Variants in SHC4 observed in about 807,000 individuals in gnomAD.
SHC4 encodes the protein SHC-transforming protein 4.
A neutral mutation model predicts 69.4 loss-of-function variants in SHC4; 41 were observed. The observed-to-expected ratio is 0.59, with a 90% CI of 0.46 to 0.77. SHC4 has a LOEUF of 0.77. SHC4 is among the 30% of genes least tolerant of loss of function. The pLI is 0.00. For missense variants in SHC4, 777 were observed against 783.8 expected (o/e 0.99, Z 0.10); for synonymous variants, 318 against 299.3 (o/e 1.06, Z -0.64).
chr15:48,919,319 G>A (rs1344760406), intron 2 of SHC4, among the ~76,000 whole-genome samples: 4 of 9,360 alleles, frequency 4.3e-4, no homozygotes, highest in African/African-American at 5.9e-4. Context: ...TTTTTTTGTA[G>A]AGATGGGGTC....
rs372891105 is a variant in SHC4 at position 48,962,506 on chromosome 15, C to T, written c.510G>A (p.Glu170=). ...PDSCPLPGPG[E]PTLRSRQDRH... ...TGTCCTGCCTGCTCCTAAGTGTTGGCTCCCCAGGGCCAGGAAGCGGGCACG... is the reference window on the plus strand; with the variant it reads ...TGTCCTGCCTGCTCCTAAGTGTTGGTTCCCCAGGGCCAGGAAGCGGGCACG... The change falls in exon 1 of 12, where the codon GAG becomes GAA. Residue 170 remains glutamate, a synonymous_variant. Transcript: ENST00000332408. The T allele has an allele frequency of 2.2e-5, 35 of 1,569,784 alleles. No individual in the cohort carries two copies. The highest frequency in any genetic ancestry group is 2.5e-5 in the Non-Finnish European group (29 of 1,159,072).
Position 48,890,785 on chromosome 15 carries a change from G to C in SHC4, c.683C>G (p.Ala228Gly). ...TREAISRLCE[A>G]VPGANGAIKK... is the part of the protein sequence containing the mutation. The stretch of plus-strand genomic sequence containing the variant: ...AATGGCTCCATTTGCCCCGGGGACA[G>C]CTTCACACAGGCGACTTATTGCTTC... Residue 228 changes from alanine to glycine, a missense_variant, in exon 3 of 12, where the codon GCT (alanine) becomes GGT (glycine). Coordinates refer to ENST00000332408, the MANE Select transcript of SHC4 (RefSeq NM_203349.4). 1 of 1,614,206 alleles carries C rather than the reference G, an allele frequency of 6.2e-7. No individual in the cohort carries two copies. The highest frequency in any genetic ancestry group is 8.5e-7 in the Non-Finnish European group (1 of 1,180,030).
At chr15:48,880,072 G>C (rs1472278102) in intron 4 of SHC4, 1 of 167,072 alleles carries the variant, frequency 6.0e-6, no homozygotes, top group Non-Finnish European at 1.5e-5. Context: ...AGAAGGCTAG[G>C]TTCAGCAAAA....
chr15:48,915,524 C>A (rs1020927451), intron 2 of SHC4, among the ~76,000 whole-genome samples: 9 of 152,236 alleles, frequency 5.9e-5, no homozygotes, highest in African/African-American at 2.2e-4. Context: ...AGACTTCCAG[C>A]AAAGGCTTCC....
At chr15:48,864,038 A>G (rs1441091583) in intron 6 of SHC4, among the ~76,000 whole-genome samples, 1 of 152,200 alleles carries the variant, frequency 6.6e-6, no homozygotes, top group Non-Finnish European at 1.5e-5. Flanking sequence ...AATAAATGGT[A>G]GCCATTTTTC....
intron 3 of SHC4, among the ~76,000 whole-genome samples, chr15:48,886,953 A>C (rs1001243610): frequency 3.4e-4 from 52 of 152,320 alleles, no homozygotes; most frequent in African/African-American, 1.2e-3. Context: ...CACATTTTAC[A>C]AACGAGAAAA....
chr15:48,826,575 A>G (rs1198877657), intron 11 of SHC4, among the ~76,000 whole-genome samples: 1 of 152,124 alleles, frequency 6.6e-6, no homozygotes, highest in Non-Finnish European at 1.5e-5. Context: ...CCTCATTACC[A>G]TTTTAAAGCA....
chr15:48,940,904 C>T (rs1036148717), intron 1 of SHC4, among the ~76,000 whole-genome samples: 3 of 152,184 alleles, frequency 2.0e-5, no homozygotes, highest in Non-Finnish European at 4.4e-5. Context: ...GTCAACAATA[C>T]GGCTTTGCGG....
chr15:48,842,543 G>T (rs1278995531), intron 10 of SHC4, among the ~76,000 whole-genome samples: 2 of 152,176 alleles, frequency 1.3e-5, no homozygotes, highest in East Asian at 3.8e-4. Context: ...AAGGATGGAG[G>T]TAAAGAAAGA....
intron 1 of SHC4, among the ~76,000 whole-genome samples, chr15:48,934,257 A>G (rs1901026343): frequency 6.6e-6 from 1 of 152,164 alleles, no homozygotes; most frequent in African/African-American, 2.4e-5. Context: ...CAAATAACCC[A>G]ATTTAAAAAT....
chr15:48,929,014 T>A (rs1190458422), intron 1 of SHC4, among the ~76,000 whole-genome samples: 1 of 152,134 alleles, frequency 6.6e-6, no homozygotes, highest in Non-Finnish European at 1.5e-5. Context: ...TGATTGACAA[T>A]GAGGACAAGT....
chr15:48,859,342 T>A (rs955703426), intron 6 of SHC4, among the ~76,000 whole-genome samples: 11 of 145,214 alleles, frequency 7.6e-5, no homozygotes, highest in Admixed American at 5.0e-4. Context: ...TGTGTGTGTG[T>A]GATGGTGGTG....
rs1373505801 is a variant in SHC4, at chr15:48,824,815, G to A, written c.*1156C>T. 1.3e-5 allele frequency: 2 copies of A among 152,592 alleles called. No individual in the cohort carries two copies. The highest frequency in any genetic ancestry group is 2.9e-5 in the Non-Finnish European group (2 of 68,028). 9.5% of individuals were successfully genotyped at this position (152,592 alleles called of 1,614,324 possible). A position where few individuals can be genotyped will look rare whatever the true frequency, so the allele number is the denominator to read the frequency against. On this transcript the variant is annotated 3_prime_UTR_variant, in exon 12 of 12. Transcript: ENST00000332408. ...AAACAGATTCAGCAACTTGCTGAAGGTCACACTGGTAAGACTCAGCGTAAT... is the reference window on the plus strand; with the variant it reads ...AAACAGATTCAGCAACTTGCTGAAGATCACACTGGTAAGACTCAGCGTAAT...
intron 6 of SHC4, among the ~76,000 whole-genome samples, chr15:48,861,881 G>A (rs1296980025): frequency 6.6e-6 from 1 of 152,140 alleles, no homozygotes; most frequent in Admixed American, 6.5e-5. Context: ...TATTACTAAA[G>A]GATAACAGAC....
At chr15:48,860,489 G>A (rs1269011331) in intron 6 of SHC4, among the ~76,000 whole-genome samples, 2 of 152,008 alleles carry the variant, frequency 1.3e-5, no homozygotes, top group African/African-American at 2.4e-5. Flanking sequence ...TCTGGGCGAC[G>A]AGTGAAACTC....
At chr15:48,836,298 C>T (rs938135910) in intron 10 of SHC4, among the ~76,000 whole-genome samples, 1 of 152,096 alleles carries the variant, frequency 6.6e-6, no homozygotes, top group African/African-American at 2.4e-5. Flanking sequence ...TTCTTAATTA[C>T]TAAACTCTAA....
chr15:48,944,249 G>A (rs143468600), intron 1 of SHC4, among the ~76,000 whole-genome samples: 6 of 151,784 alleles, frequency 4.0e-5, no homozygotes, highest in Admixed American at 6.6e-5. Flanking sequence ...AGAGACTCTG[G>A]GTGCCCTACC....
chr15:48,954,153 GC>G (rs1441472696), intron 1 of SHC4, among the ~76,000 whole-genome samples: 1 of 152,162 alleles, frequency 6.6e-6, no homozygotes, highest in Non-Finnish European at 1.5e-5. Context: ...TGTGGGAGCT[GC>G]CCTGGGCCTT....
At chr15:48,884,011 G>A (rs570418433) in intron 4 of SHC4, among the ~76,000 whole-genome samples, 1 of 152,344 alleles carries the variant, frequency 6.6e-6, no homozygotes, top group Non-Finnish European at 1.5e-5. Flanking sequence ...TTGCAACTTA[G>A]TTCTTCATTC....
Sources: allele counts gnomAD v4.1 joint callset (sites outside exome capture counted in the v4.1 genomes callset), GRCh38; gene constraint gnomAD v4.1.1; transcripts MANE v1.5; gene names NCBI Gene and HGNC (gene_info 2026-07-23, HGNC 2026-07-21).